Variants in DMD observed in about 807,000 individuals in gnomAD.
DMD encodes dystrophin, also known as mutant dystrophin.
DMD carries 63 observed loss-of-function variants against 330.1 expected under a neutral mutation model. That is an observed-to-expected ratio of 0.19 (90% CI 0.16 to 0.24). The LOEUF (loss-of-function observed/expected upper bound fraction) is 0.24. Ranked by LOEUF, DMD falls within the 10% of genes least tolerant of loss-of-function variation. The pLI, the probability that DMD is intolerant of heterozygous loss-of-function variation, is 1.00. For synonymous variants in DMD, 1,223 were observed against 959.8 expected (o/e 1.27, Z -5.07); for missense variants, 3,344 against 2,684.1 (o/e 1.25, Z -5.43).
chrX:33,255,231 C>T (rs141536881), intron 1 of DMD, among the ~76,000 whole-genome samples: 341 of 110,480 alleles, frequency 3.1e-3, no homozygotes, highest in Non-Finnish European at 5.1e-3. Flanking sequence ...AAGTGGAAGT[C>T]CAAGGGGAAT....
intron 7 of DMD, among the ~76,000 whole-genome samples, chrX:32,719,602 T>A (rs1442580258): frequency 1.8e-5 from 2 of 111,901 alleles, no homozygotes; most frequent in African/African-American, 6.5e-5. Context: ...AATAACAAAA[T>A]TTAATTCTGG....
chrX:31,588,879 T>G (rs1180863681), intron 55 of DMD, among the ~76,000 whole-genome samples: 5 of 106,693 alleles, frequency 4.7e-5, no homozygotes, highest in Non-Finnish European at 1.9e-5. Flanking sequence ...TATGTTTTTT[T>G]TTTTTTTTTT....
intron 47 of DMD, among the ~76,000 whole-genome samples, chrX:31,879,373 C>T (rs925924954): frequency 1.8e-5 from 2 of 111,006 alleles, no homozygotes; most frequent in Non-Finnish European, 3.8e-5. Context: ...GATCCTCTTC[C>T]ATGATTCAAT....
chrX:31,449,817 A>AGATAGAT (rs35763462), intron 59 of DMD, among the ~76,000 whole-genome samples: 30 of 83,227 alleles, frequency 3.6e-4, no homozygotes, highest in African/African-American at 1.2e-3. Context: ...GATAGATAGA[A>AGATAGAT]ATCTGGCTAT....
intron 17 of DMD, among the ~76,000 whole-genome samples, chrX:32,534,346 G>A (rs765396286): frequency 1.1e-4 from 12 of 111,293 alleles, no homozygotes; most frequent in East Asian, 2.9e-4. Flanking sequence ...TCATGGGAGC[G>A]GATCCCTCAC....
intron 4 of DMD, among the ~76,000 whole-genome samples, chrX:32,842,467 A>G (rs2080250634): frequency 8.9e-6 from 1 of 111,904 alleles, no homozygotes; most frequent in South Asian, 3.7e-4. Context: ...GAGATGTGGT[A>G]TGTGTGCTAG....
At chrX:31,287,522 CT>C (rs1221852218) in intron 62 of DMD, among the ~76,000 whole-genome samples, 2 of 112,469 alleles carry the variant, frequency 1.8e-5, no homozygotes, top group East Asian at 5.6e-4. Context: ...ACTAATAATT[CT>C]TGTCAATGTG....
chrX:32,811,210 T>C (rs1344248330), intron 6 of DMD, among the ~76,000 whole-genome samples: 3 of 107,370 alleles, frequency 2.8e-5, no homozygotes, highest in African/African-American at 1.0e-4. Context: ...CCAAGTGTGC[T>C]GGCATGCCCC....
At chrX:32,543,093 G>A (rs1168937175) in intron 17 of DMD, among the ~76,000 whole-genome samples, 2 of 111,657 alleles carry the variant, frequency 1.8e-5, no homozygotes, top group African/African-American at 3.3e-5. Context: ...ATTTTGGGAG[G>A]TTACTGGGAA....
rs774272994 is a variant in DMD at position 32,148,358 on chromosome X, A to T, written c.6438+68558T>A. On this transcript the variant is annotated intron_variant, in intron 44 of 78. Coordinates refer to ENST00000357033, the MANE Select transcript of DMD (RefSeq NM_004006.3). ...GTAATAAGAAAAACATTGTTAAAGA[A>T]TTTGAAAATAAGGAGAATAAGATTT... Among the ~76,000 whole-genome samples, 132 of 111,692 alleles carry T rather than the reference A, an allele frequency of 1.2e-3. 1 individual carries two copies. Among genetic ancestry groups the T allele is most frequent in the Non-Finnish European group, 1.8e-3 (94 of 53,152 alleles).
intron 20 of DMD, among the ~76,000 whole-genome samples, chrX:32,487,547 G>T (rs940400959): frequency 2.7e-5 from 3 of 111,236 alleles, no homozygotes; most frequent in African/African-American, 9.8e-5. Context: ...ATTTATGGAG[G>T]CATTCATACT....
chrX:32,786,616 A>C (rs778984658), intron 7 of DMD, among the ~76,000 whole-genome samples: 2 of 112,172 alleles, frequency 1.8e-5, no homozygotes, highest in East Asian at 5.6e-4. Context: ...TTTTCAAAAC[A>C]TTTGGAATCA....
chrX:32,689,792 G>C (rs2063140165), intron 9 of DMD, among the ~76,000 whole-genome samples: 1 of 110,787 alleles, frequency 9.0e-6, no homozygotes, highest in Admixed American at 9.7e-5. Flanking sequence ...TAAATAAGAA[G>C]TCACATGTTC....
chrX:32,418,946 C>T (rs1264494143), intron 29 of DMD, among the ~76,000 whole-genome samples: 1 of 72,439 alleles, frequency 1.4e-5, no homozygotes, highest in Non-Finnish European at 2.3e-5. Context: ...GCACTACAGT[C>T]TGGGTGACAG....
intron 7 of DMD, among the ~76,000 whole-genome samples, chrX:32,732,258 T>G (rs2067789516): frequency 9.0e-6 from 1 of 110,710 alleles, no homozygotes; most frequent in Non-Finnish European, 1.9e-5. Flanking sequence ...AATATGGGAC[T>G]ATGTGAAAAG....
rs1169051912 is a variant in DMD at position 31,986,308 on chromosome X, C to T, written c.6439-17794G>A. On this transcript the variant is annotated intron_variant, in intron 44 of 78. Coordinates refer to ENST00000357033, the MANE Select transcript of DMD (RefSeq NM_004006.3). Reference sequence around the variant, plus strand: ...AAAAGATGATAAAATTTTTTTTGTACAATACTACTTGCTAATGGGACAGAA... The same window carrying T: ...AAAAGATGATAAAATTTTTTTTGTATAATACTACTTGCTAATGGGACAGAA... Among the ~76,000 whole-genome samples the T allele has an allele frequency of 2.7e-5, 3 of 111,161 alleles. No homozygotes were observed. The Admixed American group carries it at 2.9e-4, about 11-fold the overall frequency.
chrX:32,505,727 A>G (rs2044548421), intron 18 of DMD, among the ~76,000 whole-genome samples: 1 of 112,120 alleles, frequency 8.9e-6, no homozygotes, highest in South Asian at 3.7e-4. Flanking sequence ...CTTTGTTTGT[A>G]TTTGCCAAGA....
Position 31,425,553 on chromosome X carries a change from C to A in DMD, c.9084+18928G>T, listed in dbSNP as rs140557569. 9.5e-3 allele frequency among the ~76,000 whole-genome samples: 1,064 copies of A among 111,607 alleles called. 2 individuals are homozygous for A. Among genetic ancestry groups the A allele is most frequent in the South Asian group, 0.022 (60 of 2,683 alleles). ...AAATTAAAATCTGGTCTAAGCCAAT[C>A]ACAGTAAGCTTGTTTCTCATAGCCA... On this transcript the variant is annotated intron_variant, in intron 60 of 78. Coordinates refer to ENST00000357033, the MANE Select transcript of DMD (RefSeq NM_004006.3).
intron 59 of DMD, among the ~76,000 whole-genome samples, chrX:31,450,349 A>G (rs1056242311): frequency 2.7e-5 from 3 of 112,113 alleles, no homozygotes; most frequent in Non-Finnish European, 5.6e-5. Flanking sequence ...CTCAGCAGAT[A>G]TATCATCCTC....
Sources: allele counts gnomAD v4.1 joint callset (sites outside exome capture counted in the v4.1 genomes callset), GRCh38; gene constraint gnomAD v4.1.1; transcripts MANE v1.5; gene names NCBI Gene and HGNC (gene_info 2026-07-23, HGNC 2026-07-21).